CDH13: variants seen among roughly 807,000 people sequenced by gnomAD.
CDH13 encodes the protein cadherin 13, also known as cadherin-13.
In CDH13, 24 loss-of-function variants were observed where a neutral mutation model predicts 63.8. The observed-to-expected ratio is 0.38, with a 90% CI of 0.27 to 0.53. The LOEUF is 0.53. Among genes scored for constraint, CDH13 ranks in the 20% least tolerant of loss-of-function variants. The probability of loss-of-function intolerance (pLI) is 0.85; values close to 1 mark genes in which losing one functional copy is unlikely to be tolerated. For missense variants in CDH13, 1,049 were observed against 903.1 expected (o/e 1.16, Z -2.07); for synonymous variants, 503 against 355.3 (o/e 1.42, Z -4.67).
chr16:82,792,611 TC>T, intron 1 of CDH13, among the ~76,000 whole-genome samples: 1 of 152,104 alleles, frequency 6.6e-6, no homozygotes. Flanking sequence ...TGCCACTGCA[TC>T]CCCAACTCTG....
intron 1 of CDH13, among the ~76,000 whole-genome samples, chr16:82,642,885 A>G (rs920204079): frequency 6.6e-6 from 1 of 152,220 alleles, no homozygotes; most frequent in Non-Finnish European, 1.5e-5. Flanking sequence ...AGAACTTAGT[A>G]AAAGAACCTA....
At chr16:83,245,158 C>A (rs559116639) in intron 5 of CDH13, among the ~76,000 whole-genome samples, 1 of 151,262 alleles carries the variant, frequency 6.6e-6, no homozygotes, top group Non-Finnish European at 1.5e-5. Context: ...ATTTTGAAAA[C>A]CTTAATCAAC....
At chr16:82,627,285 C>G (rs1907401003) in intron 1 of CDH13, 148 bp downstream of exon 1, 1 of 700,634 alleles carries the variant, frequency 1.4e-6, no homozygotes, top group South Asian at 1.5e-5. Context: ...GAGGTCATTC[C>G]GAGCCCAGAG....
chr16:82,872,679 G>A (rs957910796), intron 2 of CDH13, among the ~76,000 whole-genome samples: 1 of 152,146 alleles, frequency 6.6e-6, no homozygotes, highest in Non-Finnish European at 1.5e-5. Flanking sequence ...GAGCAAAAGG[G>A]CAAGAGGTAC....
chr16:82,873,080 T>C (rs1165871356), intron 2 of CDH13, among the ~76,000 whole-genome samples: 1 of 151,984 alleles, frequency 6.6e-6, no homozygotes, highest in Non-Finnish European at 1.5e-5. Flanking sequence ...GAAGAATGGG[T>C]GGTCAAAGAA....
intron 1 of CDH13, among the ~76,000 whole-genome samples, chr16:82,855,756 G>T (rs868448648): frequency 6.6e-6 from 1 of 152,156 alleles, no homozygotes; most frequent in Non-Finnish European, 1.5e-5. Flanking sequence ...GTTGGTCAGG[G>T]TGATGACTCC....
At chr16:82,667,879 C>G (rs1406729455) in intron 1 of CDH13, among the ~76,000 whole-genome samples, 1 of 152,146 alleles carries the variant, frequency 6.6e-6, no homozygotes, top group African/African-American at 2.4e-5. Context: ...GCTCCAGTTT[C>G]AAAGCTGTCT....
intron 6 of CDH13, among the ~76,000 whole-genome samples, chr16:83,485,231 C>T (rs1016935331): frequency 6.6e-6 from 1 of 152,166 alleles, no homozygotes; most frequent in Non-Finnish European, 1.5e-5. Flanking sequence ...TGCACAGATC[C>T]CTTGCGGACA....
chr16:83,239,446 G>C (rs947318861), intron 5 of CDH13, among the ~76,000 whole-genome samples: 1 of 152,160 alleles, frequency 6.6e-6, no homozygotes, highest in Non-Finnish European at 1.5e-5. Context: ...TCACATGACT[G>C]TCTTTAACAC....
chr16:83,358,333 G>T (rs186635693), intron 6 of CDH13, among the ~76,000 whole-genome samples: 1 of 152,104 alleles, frequency 6.6e-6, no homozygotes, highest in African/African-American at 2.4e-5. Flanking sequence ...CTGGAGTAGC[G>T]ATATGATGGC....
intron 11 of CDH13, among the ~76,000 whole-genome samples, chr16:83,772,361 G>A (rs1274660896): frequency 2.6e-5 from 4 of 152,150 alleles, no homozygotes; most frequent in Admixed American, 2.0e-4. Context: ...TTGGAAATAT[G>A]TGCTCCACTT....
intron 1 of CDH13, among the ~76,000 whole-genome samples, chr16:82,833,649 C>G (rs1170322149): frequency 6.6e-6 from 1 of 152,212 alleles, no homozygotes; most frequent in Non-Finnish European, 1.5e-5. Context: ...TTCCATCTGT[C>G]CAGGTAATAG....
intron 3 of CDH13, among the ~76,000 whole-genome samples, chr16:83,037,689 T>G (rs543621112): frequency 6.6e-6 from 1 of 152,308 alleles, no homozygotes; most frequent in Admixed American, 6.5e-5. Flanking sequence ...AATGTGGGAC[T>G]GGCTGCTAGA....
chr16:82,961,085 A>G (rs1434331467), intron 2 of CDH13, among the ~76,000 whole-genome samples: 1 of 152,162 alleles, frequency 6.6e-6, no homozygotes, highest in Admixed American at 6.6e-5. Flanking sequence ...TGACTCTGCA[A>G]CTGCCACTGC....
intron 7 of CDH13, among the ~76,000 whole-genome samples, chr16:83,525,596 T>G (rs1598219993): frequency 6.6e-6 from 1 of 152,342 alleles, no homozygotes; most frequent in South Asian, 2.1e-4. Context: ...CCATTCTGAC[T>G]TCACATCCAT....
At chr16:82,900,200 C>T (rs900865163) in intron 2 of CDH13, among the ~76,000 whole-genome samples, 1 of 152,138 alleles carries the variant, frequency 6.6e-6, no homozygotes, top group African/African-American at 2.4e-5. Flanking sequence ...TCCTGGTGGA[C>T]AGAAAGAACC....
chr16:82,784,832 G>A (rs2035927669), intron 1 of CDH13, among the ~76,000 whole-genome samples: 1 of 152,164 alleles, frequency 6.6e-6, no homozygotes, highest in Non-Finnish European at 1.5e-5. Context: ...GGGACCAGCA[G>A]CTGAAAAGTC....
chr16:83,061,730 G>T (rs1156311689), intron 3 of CDH13, among the ~76,000 whole-genome samples: 7 of 152,158 alleles, frequency 4.6e-5, no homozygotes, highest in African/African-American at 1.7e-4. Flanking sequence ...ATAAATATAT[G>T]AAATGAGTAG....
intron 6 of CDH13, among the ~76,000 whole-genome samples, chr16:83,412,018 G>A (rs2092134986): frequency 6.6e-6 from 1 of 152,220 alleles, no homozygotes; most frequent in Non-Finnish European, 1.5e-5. Flanking sequence ...TAGGTTCTCT[G>A]TGGATGTTTG....
Sources: allele counts gnomAD v4.1 joint callset (sites outside exome capture counted in the v4.1 genomes callset), GRCh38; gene constraint gnomAD v4.1.1; transcripts MANE v1.5; gene names NCBI Gene and HGNC (gene_info 2026-07-23, HGNC 2026-07-21).